SPTBN1: variants seen among roughly 807,000 people sequenced by gnomAD.
The protein encoded by SPTBN1 is spectrin beta, non-erythrocytic 1, also known as spectrin beta chain, non-erythrocytic 1.
Under a neutral mutation model 266.4 loss-of-function variants are expected in SPTBN1, and 32 were observed. That is an observed-to-expected ratio of 0.12 (90% CI 0.09 to 0.16). The LOEUF is 0.16. SPTBN1 is among the 10% of genes least tolerant of loss of function. The pLI is 1.00. For missense variants in SPTBN1, 2,296 were observed against 3,067.1 expected (o/e 0.75, Z 5.94); for synonymous variants, 1,336 against 1,162.2 (o/e 1.15, Z -3.04).
intron 2 of SPTBN1, among the ~76,000 whole-genome samples, chr2:54,591,415 C>T (rs1037849289): frequency 3.3e-5 from 5 of 152,222 alleles, no homozygotes; most frequent in Admixed American, 6.5e-5. Context: ...GCAAAAACTA[C>T]ATGATTGCTG....
At chr2:54,635,828 C>G (rs192717901) in intron 17 of SPTBN1, among the ~76,000 whole-genome samples, 8 of 152,332 alleles carry the variant, frequency 5.3e-5, no homozygotes, top group African/African-American at 1.7e-4. Flanking sequence ...TTCTTGAACT[C>G]CCCTAGAAAT....
rs573779034 is a variant in SPTBN1, at chr2:54,582,452, T to C, written c.149-16640T>C. The stretch of plus-strand genomic sequence containing the variant: ...AGTGGCGGGCGCCTGTAGTCCCAGC[T>C]ACTCTGGAGGCTGAGGCAGGAGAAT... On this transcript the variant is annotated intron_variant, in intron 2 of 35. Coordinates refer to ENST00000356805, the MANE Select transcript of SPTBN1 (RefSeq NM_003128.3). Among the ~76,000 whole-genome samples, 54 of 151,282 alleles carry C rather than the reference T, an allele frequency of 3.6e-4. No homozygotes were observed. The South Asian group carries it at 0.01, about 29-fold the overall frequency.
chr2:54,622,392 C>T lies in SPTBN1; in HGVS notation c.969C>T (p.Ile323=), dbSNP rs761681750. Residue 323 remains isoleucine (I), a synonymous_variant, in exon 9 of 36, where the codon ATC becomes ATT. Coordinates refer to ENST00000356805, the MANE Select transcript of SPTBN1 (RefSeq NM_003128.3). ...TGGAATGGATTGAACAAACCATCAT[C>T]ATTCTGAACAATCGCAAATTTGCCA... ...DLLEWIEQTI[I]ILNNRKFANS... is the part of the protein sequence containing the mutation. 2 of 1,614,234 alleles carry T rather than the reference C, an allele frequency of 1.2e-6. No individual in the cohort carries two copies. The highest frequency in any genetic ancestry group is 8.5e-7 in the Non-Finnish European group (1 of 1,180,034).
chr2:54,522,719 A>AG (rs1418138305), intron 1 of SPTBN1, among the ~76,000 whole-genome samples: 7 of 145,774 alleles, frequency 4.8e-5, no homozygotes, highest in Non-Finnish European at 9.2e-5. Context: ...AAGGAAAGAA[A>AG]GAAAGAAAGA....
intron 2 of SPTBN1, among the ~76,000 whole-genome samples, chr2:54,536,257 A>G (rs892001735): frequency 6.6e-6 from 1 of 152,262 alleles, no homozygotes; most frequent in African/African-American, 2.4e-5. Flanking sequence ...AGGCACTTGT[A>G]AAGTTATGTG....
At chr2:54,564,663 C>T (rs1399117490) in intron 2 of SPTBN1, among the ~76,000 whole-genome samples, 3 of 152,194 alleles carry the variant, frequency 2.0e-5, no homozygotes, top group African/African-American at 7.2e-5. Flanking sequence ...TGCAGGGAAT[C>T]ATTTCATGTG....
At chr2:54,581,116 T>C (rs1003260165) in intron 2 of SPTBN1, among the ~76,000 whole-genome samples, 1 of 151,798 alleles carries the variant, frequency 6.6e-6, no homozygotes, top group Non-Finnish European at 1.5e-5. Flanking sequence ...AGAAAAAATA[T>C]ATAAATATAT....
intron 32 of SPTBN1, chr2:54,661,401 G>A: frequency 1.0e-6 from 1 of 985,740 alleles, no homozygotes; most frequent in Non-Finnish European, 1.2e-6. Flanking sequence ...TTCTCTATGA[G>A]TTAAGTCTGA....
At chr2:54,507,036 G>GT (rs1669606690) in intron 1 of SPTBN1, among the ~76,000 whole-genome samples, 1 of 152,040 alleles carries the variant, frequency 6.6e-6, no homozygotes, top group African/African-American at 2.4e-5. Context: ...TAAGAGCAAT[G>GT]TTTTGGGGGC....
At chr2:54,550,027 C>CCTACCCCTT (rs1398349137) in intron 2 of SPTBN1, among the ~76,000 whole-genome samples, 1 of 152,142 alleles carries the variant, frequency 6.6e-6, no homozygotes, top group African/African-American at 2.4e-5. Context: ...TCACTTTCTC[C>CCTACCCCTT]CTACCCCTTG....
At chr2:54,575,547 G>T (rs1674402655) in intron 2 of SPTBN1, among the ~76,000 whole-genome samples, 1 of 152,238 alleles carries the variant, frequency 6.6e-6, no homozygotes, top group Non-Finnish European at 1.5e-5. Context: ...AGGTAAAATT[G>T]CCTAAGGGCA....
In SPTBN1 at chr2:54,655,824, G is replaced by T. The variant is rs928649702; in HGVS notation, c.5962-90G>T. 6.9e-5 allele frequency: 67 copies of T among 970,524 alleles called. 2 individuals are homozygous for T. In the South Asian group the frequency reaches 9.6e-4, roughly 14 times the overall value. 60.1% of individuals were successfully genotyped at this position (970,524 alleles called of 1,614,324 possible). Reference sequence around the variant, plus strand: ...TCCCAGCTTAATGGTGGTCTTTGCAGAAAATGTATTTTTCTAGTATAAAAT... The same window carrying T: ...TCCCAGCTTAATGGTGGTCTTTGCATAAAATGTATTTTTCTAGTATAAAAT... On this transcript the variant is annotated intron_variant, in intron 28 of 35. Coordinates refer to ENST00000356805, the MANE Select transcript of SPTBN1 (RefSeq NM_003128.3).
At chr2:54,499,205 TTAG>T (rs1281183370) in intron 1 of SPTBN1, among the ~76,000 whole-genome samples, 1 of 152,198 alleles carries the variant, frequency 6.6e-6, no homozygotes, top group Non-Finnish European at 1.5e-5. Context: ...AGTGGCAATA[TTAG>T]TAGTTTTTTT....
At chr2:54,592,658 G>T (rs1039110775) in intron 2 of SPTBN1, among the ~76,000 whole-genome samples, 5 of 152,158 alleles carry the variant, frequency 3.3e-5, no homozygotes, top group Non-Finnish European at 5.9e-5. Flanking sequence ...AAAGTGCTGG[G>T]AATTACAGGT....
intron 26 of SPTBN1, chr2:54,652,527 C>G (rs548802255): frequency 6.6e-6 from 1 of 152,294 alleles, no homozygotes; most frequent in Non-Finnish European, 1.5e-5. Flanking sequence ...CTTTTACAGA[C>G]ACTGCTGCAG....
chr2:54,493,893 A>G (rs1668822981), intron 1 of SPTBN1, among the ~76,000 whole-genome samples: 1 of 152,230 alleles, frequency 6.6e-6, no homozygotes, highest in Non-Finnish European at 1.5e-5. Context: ...TCTATCAAAG[A>G]CAACAGAAGT....
chr2:54,636,477 C>CA (rs1335740554), intron 17 of SPTBN1, among the ~76,000 whole-genome samples: 43 of 152,334 alleles, frequency 2.8e-4, no homozygotes, highest in African/African-American at 9.4e-4. Context: ...TCCAGGCAGA[C>CA]AATGGCTATG....
In SPTBN1 at chr2:54,626,264, G is replaced by A. The variant is rs139814800; in HGVS notation, c.1644+30G>A. On this transcript the variant is annotated intron_variant, in intron 12 of 35. Transcript: ENST00000356805. This position sits in a 1 kb window ranked among gnomAD's most constrained non-coding sequence, Gnocchi z 4.7. The stretch of plus-strand genomic sequence containing the variant: ...AACCTGACCGAAAGGAAGGACGACA[G>A]AGCTGATCCAACCAGGGCTCTCTTT... 7 of 1,597,610 alleles carry A rather than the reference G, an allele frequency of 4.4e-6. No individual in the cohort carries two copies. Among genetic ancestry groups the A allele is most frequent in the South Asian group, 1.1e-5 (1 of 89,160 alleles).
Position 54,655,990 on chromosome 2 carries a change from T to C in SPTBN1, c.6038T>C (p.Leu2013Ser). The change falls in exon 29 of 36, where the codon TTA (leucine) becomes TCA (serine). Residue 2013 changes from leucine (L) to serine (S), a missense_variant. Transcript: ENST00000356805. ...AAGTGGGAAGACCGATGGGAATGGT[T>C]AAGACTGAGTAAGGATGTAGTTTAT... ...IDKWEDRWEW[L>S]RLILEVHQFS... is the part of the protein sequence containing the mutation. The C allele has an allele frequency of 6.2e-7, 1 of 1,612,316 alleles. No homozygotes were observed. Among genetic ancestry groups the C allele is most frequent in the Non-Finnish European group, 8.5e-7 (1 of 1,178,732 alleles).
Sources: allele counts gnomAD v4.1 joint callset (sites outside exome capture counted in the v4.1 genomes callset), GRCh38; gene constraint gnomAD v4.1.1; non-coding constraint Gnocchi (gnomAD v3.1); transcripts MANE v1.5; gene names NCBI Gene and HGNC (gene_info 2026-07-23, HGNC 2026-07-21).